Variants in ARHGEF7 observed in about 807,000 individuals in gnomAD.
ARHGEF7 encodes Rho guanine nucleotide exchange factor 7, also known as PAK-interacting exchange factor beta.
A neutral mutation model predicts 109.8 loss-of-function variants in ARHGEF7; 33 were observed. That is an observed-to-expected ratio of 0.30 (90% confidence interval 0.23 to 0.40). The LOEUF (loss-of-function observed/expected upper bound fraction) is 0.40. ARHGEF7 is among the 10% of genes least tolerant of loss of function. ARHGEF7 has a pLI of 1.00. For missense variants in ARHGEF7, 938 were observed against 1,098.5 expected (o/e 0.85, Z 2.07); for synonymous variants, 458 against 424.6 (o/e 1.08, Z -0.97).
Position 111,255,426 on chromosome 13 carries a change from C to T in ARHGEF7, c.950+11132C>T, listed in dbSNP as rs2090306044. Among the ~76,000 whole-genome samples the T allele has an allele frequency of 6.6e-6, 1 of 152,162 alleles. No homozygotes were observed. The highest frequency in any genetic ancestry group is 6.5e-5 in the Admixed American group (1 of 15,286). On this transcript the variant is annotated intron_variant, in intron 8 of 21. Coordinates refer to ENST00000646102, the MANE Select transcript of ARHGEF7 (RefSeq NM_001354046.2). The surrounding 1 kb of genome is among the most constrained non-coding windows in gnomAD (Gnocchi z 4.1). ...TTGCCCATGTCTGTCCCAGTGTCCT[C>T]ATCTATAAAGCAGGGGTGCTGGTGT...
chr13:111,133,419 T>C (rs1427206465), intron 1 of ARHGEF7, among the ~76,000 whole-genome samples: 1 of 152,134 alleles, frequency 6.6e-6, no homozygotes, highest in African/African-American at 2.4e-5. Flanking sequence ...TATGCACATA[T>C]ATACATACGT....
chr13:111,198,081 CAGG>C (rs1411761099), intron 2 of ARHGEF7, among the ~76,000 whole-genome samples: 2 of 152,192 alleles, frequency 1.3e-5, no homozygotes, highest in African/African-American at 4.8e-5. Context: ...CCTGGAAGTA[CAGG>C]AGAAGTGGAA....
chr13:111,216,238 T>C (rs1383036180), intron 4 of ARHGEF7, among the ~76,000 whole-genome samples: 1 of 152,038 alleles, frequency 6.6e-6, no homozygotes, highest in Non-Finnish European at 1.5e-5. Context: ...TTGAAGTTCT[T>C]TTATTTCCCA....
chr13:111,193,449 C>T (rs186749728), intron 2 of ARHGEF7, among the ~76,000 whole-genome samples: 9 of 152,372 alleles, frequency 5.9e-5, no homozygotes, highest in African/African-American at 2.2e-4. Context: ...CTGCCACCTC[C>T]TTGGGTTTTT....
chr13:111,172,583 A>G (rs2077707753), intron 2 of ARHGEF7, among the ~76,000 whole-genome samples: 1 of 152,222 alleles, frequency 6.6e-6, no homozygotes, highest in African/African-American at 2.4e-5. Context: ...CTCAAGCCAT[A>G]ATAAAACTTG....
intron 1 of ARHGEF7, among the ~76,000 whole-genome samples, chr13:111,143,219 A>G (rs1255714195): frequency 6.6e-6 from 1 of 152,234 alleles, no homozygotes; most frequent in Non-Finnish European, 1.5e-5. Context: ...GGTGAGGCAG[A>G]GTAGATACAG....
intron 1 of ARHGEF7, among the ~76,000 whole-genome samples, chr13:111,120,542 G>A (rs1251694108): frequency 2.6e-5 from 4 of 152,284 alleles, no homozygotes; most frequent in African/African-American, 7.2e-5. Context: ...TCTGACGGGG[G>A]TTGAGGGAGT....
chr13:111,231,042 TA>T (rs2085973555), intron 5 of ARHGEF7, among the ~76,000 whole-genome samples: 1 of 152,198 alleles, frequency 6.6e-6, no homozygotes, highest in Non-Finnish European at 1.5e-5. Context: ...TCATTACTTT[TA>T]AAATAATGCA....
At chr13:111,139,704 G>A (rs753127271) in intron 1 of ARHGEF7, among the ~76,000 whole-genome samples, 5 of 152,214 alleles carry the variant, frequency 3.3e-5, no homozygotes, top group Admixed American at 2.6e-4. Context: ...TGGGGCCTGC[G>A]ATTTTCCTTA....
At chr13:111,202,954 C>T in intron 2 of ARHGEF7, 1 of 557,038 alleles carries the variant, frequency 1.8e-6, no homozygotes, top group Admixed American at 4.6e-5. Flanking sequence ...TTCACTTAAA[C>T]TCTGATGTCA....
chr13:111,231,413 C>T (rs1315060023), intron 5 of ARHGEF7, among the ~76,000 whole-genome samples: 2 of 150,236 alleles, frequency 1.3e-5, no homozygotes, highest in South Asian at 2.1e-4. Context: ...CAACTTGCAG[C>T]GGCACCTTAT....
chr13:111,256,419 C>G (rs1026526435), intron 8 of ARHGEF7, among the ~76,000 whole-genome samples: 2 of 152,236 alleles, frequency 1.3e-5, no homozygotes, highest in Non-Finnish European at 2.9e-5. Context: ...TGTCCTGAGC[C>G]TGCTCCGGTT....
At chr13:111,140,347 T>C (rs947862007) in intron 1 of ARHGEF7, among the ~76,000 whole-genome samples, 2 of 152,096 alleles carry the variant, frequency 1.3e-5, no homozygotes, top group East Asian at 1.9e-4. Flanking sequence ...AAACAGCAGG[T>C]GGCGGGTGGG....
intron 18 of ARHGEF7, 127 bp from the exon 19 acceptor site, chr13:111,291,991 T>C: frequency 1.3e-6 from 1 of 770,130 alleles, no homozygotes; most frequent in East Asian, 2.7e-5. Flanking sequence ...TTTTTAACAC[T>C]ATTTTCTCTT....
At chr13:111,288,296 G>T in intron 17 of ARHGEF7, 58 bp from the exon 18 acceptor site, 1 of 1,180,562 alleles carries the variant, frequency 8.5e-7, no homozygotes, top group Non-Finnish European at 1.2e-6. Context: ...CATTCGTCTC[G>T]CCAGTTGCCC....
Position 111,288,461 on chromosome 13 carries a change from G to A in ARHGEF7, c.2134+18G>A, listed in dbSNP as rs1034539626. On this transcript the variant is annotated intron_variant, in intron 18 of 21. Coordinates refer to ENST00000646102, the MANE Select transcript of ARHGEF7 (RefSeq NM_001354046.2). ...CAATTCAAGTAAGTTTAGCAATAAG[G>A]CCTGGGAAGTGTGGTGGTTTATTCT... 1 of 1,588,050 alleles carries A rather than the reference G, an allele frequency of 6.3e-7. No homozygotes were observed. Among genetic ancestry groups the A allele is most frequent in the Non-Finnish European group, 8.6e-7 (1 of 1,156,928 alleles).
chr13:111,175,223 G>A (rs2078020617), intron 2 of ARHGEF7, among the ~76,000 whole-genome samples: 1 of 152,204 alleles, frequency 6.6e-6, no homozygotes, highest in African/African-American at 2.4e-5. Flanking sequence ...GGCCCCTGTG[G>A]GTCCCACACT....
At chr13:111,293,782 A>G (rs374174124) in intron 19 of ARHGEF7, 21 of 984,718 alleles carry the variant, frequency 2.1e-5, no homozygotes, top group Non-Finnish European at 2.4e-5. Context: ...CCCACTGCCC[A>G]CTCCTTCGCC....
intron 5 of ARHGEF7, among the ~76,000 whole-genome samples, chr13:111,231,680 AT>A (rs1323252444): frequency 2.6e-5 from 4 of 152,132 alleles, no homozygotes; most frequent in South Asian, 2.1e-4. Flanking sequence ...GTTTTGGGAT[AT>A]ACTACCTCAG....
Sources: gnomAD v4.1 joint callset for allele counts (sites outside exome capture counted in the v4.1 genomes callset) on GRCh38, gnomAD v4.1.1 for gene constraint, Gnocchi (gnomAD v3.1) non-coding constraint, MANE v1.5 for transcripts, NCBI Gene and HGNC (gene_info 2026-07-23, HGNC 2026-07-21) for gene names.